EPHA3: variants seen among roughly 807,000 people sequenced by gnomAD.
EPHA3 encodes ephrin type-A receptor 3.
Under a neutral mutation model 107.1 loss-of-function variants are expected in EPHA3, and 42 were observed. The ratio of observed to expected loss-of-function variants is 0.39; its 90% confidence interval spans 0.31 to 0.51. EPHA3 has a LOEUF of 0.51. EPHA3 is among the 20% of genes least tolerant of loss of function. The pLI is 0.78. For synonymous variants in EPHA3, 461 were observed against 424.8 expected (o/e 1.09, Z -1.05); for missense variants, 1,183 against 1,211.2 (o/e 0.98, Z 0.35).
At chr3:89,166,178 A>G (rs1462433931) in intron 2 of EPHA3, among the ~76,000 whole-genome samples, 1 of 152,168 alleles carries the variant, frequency 6.6e-6, no homozygotes, top group Non-Finnish European at 1.5e-5. Flanking sequence ...CACCGTCTAA[A>G]GTAGGTTTAA....
intron 2 of EPHA3, among the ~76,000 whole-genome samples, chr3:89,144,157 A>G (rs1704488199): frequency 6.6e-6 from 1 of 151,790 alleles, no homozygotes; most frequent in Admixed American, 6.6e-5. Flanking sequence ...CAAATGCATA[A>G]TACATATTTT....
intron 2 of EPHA3, among the ~76,000 whole-genome samples, chr3:89,136,200 A>C (rs1287958244): frequency 6.6e-6 from 1 of 151,982 alleles, no homozygotes; most frequent in East Asian, 1.9e-4. Flanking sequence ...CATATGTGAT[A>C]TGTGATTCTT....
intron 6 of EPHA3, among the ~76,000 whole-genome samples, chr3:89,399,100 A>T (rs1409007091): frequency 1.3e-5 from 2 of 151,934 alleles, no homozygotes; most frequent in African/African-American, 4.8e-5. Flanking sequence ...ACTGCACTCC[A>T]GCCTGGTGAC....
intron 2 of EPHA3, among the ~76,000 whole-genome samples, chr3:89,174,771 C>T (rs1469456753): frequency 1.3e-5 from 2 of 151,738 alleles, no homozygotes; most frequent in African/African-American, 2.4e-5. Flanking sequence ...GGTGATAATA[C>T]TTTAAAAAAG....
At chr3:89,143,456 C>T (rs2107021819) in intron 2 of EPHA3, among the ~76,000 whole-genome samples, 1 of 151,484 alleles carries the variant, frequency 6.6e-6, no homozygotes, top group East Asian at 1.9e-4. Flanking sequence ...CCACAAGGAC[C>T]AAGTATACTA....
intron 3 of EPHA3, among the ~76,000 whole-genome samples, chr3:89,218,698 G>A (rs954814571): frequency 6.6e-6 from 1 of 152,000 alleles, no homozygotes; most frequent in African/African-American, 2.4e-5. Flanking sequence ...TCTAGAAGAA[G>A]ACATTTATGC....
chr3:89,241,231 A>G (rs77690960), intron 3 of EPHA3, among the ~76,000 whole-genome samples: 162 of 152,144 alleles, frequency 1.1e-3, no homozygotes, highest in African/African-American at 3.7e-3. Flanking sequence ...ATGATTAGCT[A>G]TTTTACTCGA....
rs55877149 is a variant in EPHA3, at chr3:89,176,497, TAA to T, written c.154-33340_154-33339del. Among the ~76,000 whole-genome samples the T allele has an allele frequency of 4.4e-3, 444 of 100,530 alleles. 4 individuals carry two copies. Among genetic ancestry groups the T allele is most frequent in the African/African-American group, 0.011 (283 of 26,206 alleles). 66.0% of individuals were successfully genotyped at this position (100,530 alleles called of 152,430 possible). On this transcript the variant is annotated intron_variant, in intron 2 of 16. Coordinates refer to ENST00000336596, the MANE Select transcript of EPHA3 (RefSeq NM_005233.6). ...GGGTGACAGAGCAAGATTCCATCTC[TAA>T]AAAAAAAAAAAAAAAAAAAAAATAT...
rs1421410070 is a variant in EPHA3, at chr3:89,481,853, ATGT to A, written c.*2353_*2355del. On this transcript the variant is annotated 3_prime_UTR_variant, in exon 17 of 17. Coordinates refer to ENST00000336596, the MANE Select transcript of EPHA3 (RefSeq NM_005233.6). ...AACATAAAGCCACAACTCCTACATG[ATGT>A]TATGTACCATATGATCTGTTTTGTA... 1 of 231,252 alleles carries A rather than the reference ATGT, an allele frequency of 4.3e-6. No individual in the cohort carries two copies. Among genetic ancestry groups the A allele is most frequent in the African/African-American group, 2.2e-5 (1 of 45,200 alleles). The allele number at this position is 231,252 out of a possible 1,614,324, so 14.3% of individuals were successfully genotyped here.
rs1230654383 is a variant in EPHA3, at chr3:89,293,609, G to A, written c.815-47307G>A. Among the ~76,000 whole-genome samples the A allele has an allele frequency of 2.0e-5, 3 of 152,106 alleles. No individual in the cohort carries two copies. The East Asian group carries it at 5.8e-4, about 29-fold the overall frequency. The stretch of plus-strand genomic sequence containing the variant: ...GGTCATGGGGACAATTTCCCCATGC[G>A]TTTCTCATGATAATGAGTGAGTTCT... On this transcript the variant is annotated intron_variant, in intron 3 of 16. Coordinates refer to ENST00000336596, the MANE Select transcript of EPHA3 (RefSeq NM_005233.6).
chr3:89,356,267 T>G (rs1472178034), intron 5 of EPHA3, among the ~76,000 whole-genome samples: 2 of 150,936 alleles, frequency 1.3e-5, no homozygotes, highest in African/African-American at 4.8e-5. Context: ...AAGTCTTTGC[T>G]ATTGTGAATA....
intron 3 of EPHA3, among the ~76,000 whole-genome samples, chr3:89,257,923 T>TATTC (rs1176538274): frequency 6.6e-6 from 1 of 152,154 alleles, no homozygotes; most frequent in East Asian, 1.9e-4. Flanking sequence ...AGAAACAGAA[T>TATTC]ATTCACGTGA....
intron 8 of EPHA3, 29 bp from the exon 9 acceptor site, chr3:89,408,038 T>A: frequency 1.9e-6 from 3 of 1,605,870 alleles, no homozygotes; most frequent in African/African-American, 1.3e-5. Flanking sequence ...ATTCCTCTTA[T>A]GTGTTCGCTT....
intron 5 of EPHA3, among the ~76,000 whole-genome samples, chr3:89,347,126 TTAAAG>T (rs1286568381): frequency 3.5e-5 from 5 of 142,678 alleles, no homozygotes; most frequent in African/African-American, 1.3e-4. Flanking sequence ...CATATGAACT[TTAAAG>T]TAGTTTTTTC....
intron 13 of EPHA3, among the ~76,000 whole-genome samples, chr3:89,443,087 T>G (rs1709815194): frequency 6.6e-6 from 1 of 152,248 alleles, no homozygotes; most frequent in African/African-American, 2.4e-5. Flanking sequence ...TTGTGTAATT[T>G]TTTTAATGTT....
intron 5 of EPHA3, among the ~76,000 whole-genome samples, chr3:89,352,927 AAAAG>A (rs887680985): frequency 4.7e-5 from 7 of 149,688 alleles, no homozygotes; most frequent in Non-Finnish European, 8.9e-5. Context: ...AAAAAAAGGA[AAAAG>A]AAAGAAAGAA....
At chr3:89,251,335 AT>A (rs1705162366) in intron 3 of EPHA3, among the ~76,000 whole-genome samples, 1 of 152,016 alleles carries the variant, frequency 6.6e-6, no homozygotes, top group Non-Finnish European at 1.5e-5. Context: ...ATAGATTATA[AT>A]TTTTTTAAAA....
intron 2 of EPHA3, among the ~76,000 whole-genome samples, chr3:89,142,328 T>G (rs1307484105): frequency 6.6e-6 from 1 of 151,402 alleles, no homozygotes; most frequent in Admixed American, 6.6e-5. Context: ...CCGCAATGTT[T>G]AAATGGGAGA....
chr3:89,115,416 T>G (rs1187005945), intron 1 of EPHA3, among the ~76,000 whole-genome samples: 2 of 152,104 alleles, frequency 1.3e-5, no homozygotes, highest in African/African-American at 4.8e-5. Flanking sequence ...TAAAACAGGA[T>G]TTTTCCTCTT....
Sources: gnomAD v4.1 joint callset for allele counts (sites outside exome capture counted in the v4.1 genomes callset) on GRCh38, gnomAD v4.1.1 for gene constraint, MANE v1.5 for transcripts, NCBI Gene and HGNC (gene_info 2026-07-23, HGNC 2026-07-21) for gene names.